The following RB1CC1 variants were observed in gnomAD, a reference collection of about 807,000 sequenced individuals.
The protein encoded by RB1CC1 is RB1 inducible coiled-coil 1.
A neutral mutation model predicts 177.5 loss-of-function variants in RB1CC1; 46 were observed. That is an observed-to-expected ratio of 0.26 (90% CI 0.20 to 0.33). RB1CC1 has a LOEUF of 0.33. RB1CC1 is among the 10% of genes least tolerant of loss of function. RB1CC1 has a pLI of 1.00. For missense variants in RB1CC1, 1,703 were observed against 1,816.3 expected (o/e 0.94, Z 1.13); for synonymous variants, 666 against 613.6 (o/e 1.09, Z -1.26).
chr8:52,630,373 G>T, intron 21 of RB1CC1, 97 bp downstream of exon 21: 1 of 1,410,724 alleles, frequency 7.1e-7, no homozygotes. Context: ...TCAGCTCAAT[G>T]AACCTGGACC....
Position 52,676,443 on chromosome 8 carries a change from C to T in RB1CC1, c.498G>A (p.Lys166=), listed in dbSNP as rs1234825768. 1.9e-6 allele frequency: 3 copies of T among 1,613,296 alleles called. No homozygotes were observed. In the East Asian group the frequency reaches 6.7e-5, roughly 36 times the overall value. ...NLEDCSNSYQ[K]LLFKFESIYS... is the part of the protein sequence containing the mutation. ...AAATACTTTCAAACTTGAAAAGTAG[C>T]TTTTGGTATGAATTTGAACAGTCCT... is the stretch of plus-strand genomic sequence containing the variant. The change falls in exon 6 of 24, where the codon AAG becomes AAA. Residue 166 remains lysine (K), a synonymous_variant. Transcript: ENST00000025008.
intron 16 of RB1CC1, among the ~76,000 whole-genome samples, chr8:52,644,346 G>T (rs1469744718): frequency 2.0e-5 from 3 of 152,120 alleles, no homozygotes; most frequent in Non-Finnish European, 4.4e-5. Context: ...AAAACATGAA[G>T]AAGTAAATTA....
intron 1 of RB1CC1, among the ~76,000 whole-genome samples, chr8:52,699,830 A>AT (rs1475065809): frequency 2.6e-4 from 7 of 26,716 alleles, no homozygotes; most frequent in Middle Eastern, 0.036. Flanking sequence ...AAAAAAAAAA[A>AT]ATATATATAT....
intron 7 of RB1CC1, among the ~76,000 whole-genome samples, chr8:52,672,939 T>C (rs540938585): frequency 6.0e-4 from 91 of 152,162 alleles, no homozygotes; most frequent in Admixed American, 2.2e-3. Context: ...CATGTCTTAA[T>C]TGAAAGAAAT....
intron 20 of RB1CC1, among the ~76,000 whole-genome samples, chr8:52,632,872 T>C (rs1023731486): frequency 3.3e-5 from 5 of 152,204 alleles, no homozygotes; most frequent in African/African-American, 1.2e-4. Flanking sequence ...CCTCTGTTCC[T>C]CTGCTCATGT....
At chr8:52,686,787 T>C (rs1409211082) in intron 2 of RB1CC1, 66 bp downstream of exon 2, 5 of 339,894 alleles carry the variant, frequency 1.5e-5, no homozygotes, top group Non-Finnish European at 2.9e-5. Flanking sequence ...AAATTAAGAT[T>C]TCCAGAATCA....
At chr8:52,694,827 T>C (rs4588874) in intron 1 of RB1CC1, among the ~76,000 whole-genome samples, 136,428 of 152,194 alleles carry the variant, frequency 0.9, 61,174 homozygotes, top group East Asian at 0.97. Context: ...GGTATTCTAG[T>C]TTAGTGGGAG....
rs547427119 is a variant in RB1CC1, at chr8:52,650,905, G to T, written c.3822-5038C>A. Among the ~76,000 whole-genome samples the T allele has an allele frequency of 3.3e-5, 5 of 152,266 alleles. No individual in the cohort carries two copies. In the South Asian group the frequency reaches 1.0e-3, roughly 32 times the overall value. ...TTTTCTACCTTGTCTGAGGAAATCA[G>T]TGTCCCTTCACTTGAGGTAGTCCTC... On this transcript the variant is annotated intron_variant, in intron 15 of 23. Coordinates refer to ENST00000025008, the MANE Select transcript of RB1CC1 (RefSeq NM_014781.5).
chr8:52,686,311 A>C (rs1305628239), intron 2 of RB1CC1, among the ~76,000 whole-genome samples: 1 of 152,264 alleles, frequency 6.6e-6, no homozygotes, highest in African/African-American at 2.4e-5. Flanking sequence ...TGGGAGGCCA[A>C]GGCAGGAGGA....
intron 1 of RB1CC1, among the ~76,000 whole-genome samples, chr8:52,698,334 T>G (rs1477138780): frequency 6.6e-6 from 1 of 152,084 alleles, no homozygotes; most frequent in African/African-American, 2.4e-5. Context: ...AATAACTTTT[T>G]TTTTTTTACA....
At chr8:52,706,401 T>A (rs962938633) in intron 1 of RB1CC1, among the ~76,000 whole-genome samples, 3 of 149,944 alleles carry the variant, frequency 2.0e-5, no homozygotes, top group African/African-American at 7.4e-5. Flanking sequence ...CTCAGTCACC[T>A]AGGGGCTGGG....
intron 7 of RB1CC1, among the ~76,000 whole-genome samples, chr8:52,672,165 A>C (rs1256585703): frequency 6.6e-6 from 1 of 152,168 alleles, no homozygotes; most frequent in Non-Finnish European, 1.5e-5. Context: ...TTCATTATTT[A>C]GAGATAGAGT....
At chr8:52,692,341 C>CT (rs558566430) in intron 1 of RB1CC1, among the ~76,000 whole-genome samples, 37 of 151,884 alleles carry the variant, frequency 2.4e-4, no homozygotes, top group East Asian at 7.7e-4. Flanking sequence ...TACAAAAAAT[C>CT]TTTTTTTTAA....
intron 1 of RB1CC1, among the ~76,000 whole-genome samples, chr8:52,687,941 G>C (rs1480951092): frequency 6.6e-6 from 1 of 152,226 alleles, no homozygotes; most frequent in East Asian, 1.9e-4. Context: ...ACCCCAAACA[G>C]AGCGACCAGC....
At chr8:52,695,777 A>ATTTTCTT (rs1427502662) in intron 1 of RB1CC1, among the ~76,000 whole-genome samples, 26 of 152,310 alleles carry the variant, frequency 1.7e-4, no homozygotes, top group East Asian at 7.7e-4. Flanking sequence ...GCTCTCTGCC[A>ATTTTCTT]TTGCCTGATT....
chr8:52,691,493 T>C (rs1854853810), intron 1 of RB1CC1, among the ~76,000 whole-genome samples: 1 of 152,218 alleles, frequency 6.6e-6, no homozygotes, highest in Admixed American at 6.5e-5. Context: ...ATAGTTTTGA[T>C]TACACTGGCT....
chr8:52,661,511 A>G, intron 9 of RB1CC1, 24 bp downstream of exon 9: 1 of 1,556,128 alleles, frequency 6.4e-7, no homozygotes, highest in Non-Finnish European at 8.7e-7. Flanking sequence ...AACATCTTAA[A>G]ACAGATATAA....
At chr8:52,635,250 A>G (rs1381691237) in intron 19 of RB1CC1, among the ~76,000 whole-genome samples, 1 of 152,194 alleles carries the variant, frequency 6.6e-6, no homozygotes, top group African/African-American at 2.4e-5. Context: ...TCTGAGATCT[A>G]TCCCCAGAGA....
At chr8:52,626,673 T>C (rs1299712049) in intron 22 of RB1CC1, among the ~76,000 whole-genome samples, 1 of 152,058 alleles carries the variant, frequency 6.6e-6, no homozygotes, top group Non-Finnish European at 1.5e-5. Context: ...AAAAGAAATA[T>C]CAGGTTCATT....
Sources: gnomAD v4.1 joint callset for allele counts (sites outside exome capture counted in the v4.1 genomes callset) on GRCh38, gnomAD v4.1.1 for gene constraint, MANE v1.5 for transcripts, NCBI Gene and HGNC (gene_info 2026-07-23, HGNC 2026-07-21) for gene names.